The following ZNF17 variants were observed in gnomAD, a reference collection of about 807,000 sequenced individuals.
ZNF17 encodes zinc finger protein 17.
A neutral mutation model predicts 7.7 loss-of-function variants in ZNF17; 4 were observed. The observed-to-expected ratio is 0.52, with a 90% confidence interval of 0.26 to 1.20. The LOEUF is 1.20. ZNF17 is among the 50% of genes most tolerant of loss of function. The pLI is 0.14. For synonymous variants in ZNF17, 249 were observed against 258.8 expected (o/e 0.96, Z 0.36); for missense variants, 738 against 799.5 (o/e 0.92, Z 0.93).
At chr19:57,413,406 A>G in intron 1 of ZNF17, 190 bp from the exon 2 acceptor site, 4 of 573,334 alleles carry the variant, frequency 7.0e-6, no homozygotes, top group South Asian at 2.3e-5. Context: ...AATCCTTTTA[A>G]TCTCTATTTT....
intron 1 of ZNF17, chr19:57,411,785 C>A: frequency 1.6e-6 from 1 of 643,986 alleles, no homozygotes; most frequent in Non-Finnish European, 2.0e-6. Flanking sequence ...AAGGGGACCG[C>A]TGAGGAGACC....
At chr19:57,417,845 CAAAAAAA>C (rs71186259) in intron 2 of ZNF17, 60 bp from the exon 3 acceptor site, 3 of 1,336,358 alleles carry the variant, frequency 2.2e-6, no homozygotes, top group African/African-American at 2.2e-5. Flanking sequence ...GACTCCATCT[CAAAAAAA>C]AAAAAAAAAA....
At chr19:57,417,361 A>G (rs1334536962) in intron 2 of ZNF17, among the ~76,000 whole-genome samples, 2 of 152,160 alleles carry the variant, frequency 1.3e-5, no homozygotes, top group Non-Finnish European at 2.9e-5. Context: ...TATAGGGACT[A>G]TCCCTCCTTT....
intron 1 of ZNF17, chr19:57,411,779 G>A: frequency 2.8e-6 from 2 of 706,646 alleles, no homozygotes; most frequent in South Asian, 5.1e-5. Flanking sequence ...CAGGACAAGG[G>A]GACCGCTGAG....
chr19:57,413,863 CA>C (rs541777974), intron 2 of ZNF17, among the ~76,000 whole-genome samples: 35 of 152,162 alleles, frequency 2.3e-4, no homozygotes, highest in Admixed American at 2.1e-3. Flanking sequence ...ATCTCAAACA[CA>C]GGATCTAGAA....
intron 3 of ZNF17, 88 bp downstream of exon 3, chr19:57,418,126 T>A: frequency 6.7e-7 from 1 of 1,503,746 alleles, no homozygotes; most frequent in Non-Finnish European, 9.0e-7. Context: ...CACCAGGTCA[T>A]GGATGCTGCA....
Position 57,420,476 on chromosome 19 carries a change from G to A in ZNF17, c.990G>A (p.Arg330=), listed in dbSNP as rs778630011. Reference sequence around the variant, plus strand: ...ACCAGAAAATTCATACTGGAGAACGGCCTTATGGATGCAATGAATGTGGGA... The same window carrying A: ...ACCAGAAAATTCATACTGGAGAACGACCTTATGGATGCAATGAATGTGGGA... ...VGHQKIHTGE[R]PYGCNECGKY... Residue 330 remains arginine, a synonymous_variant, in exon 4 of 4, where the codon CGG becomes CGA. Coordinates refer to ENST00000307658, the MANE Select transcript of ZNF17 (RefSeq NM_001330617.2). The A allele has an allele frequency of 1.9e-6, 3 of 1,614,146 alleles. No homozygotes were observed. Among genetic ancestry groups the A allele is most frequent in the Non-Finnish European group, 2.5e-6 (3 of 1,180,042 alleles).
Position 57,421,007 on chromosome 19 carries a change from A to C in ZNF17, c.1521A>C (p.Lys507Asn). 1 of 1,614,120 alleles carries C rather than the reference A, an allele frequency of 6.2e-7. No individual in the cohort carries two copies. The highest frequency in any genetic ancestry group is 8.5e-7 in the Non-Finnish European group (1 of 1,180,022). Residue 507 changes from lysine to asparagine, a missense_variant, in exon 4 of 4, where the codon AAA becomes AAC. Lys to Asn is a moderately conservative substitution (Grantham distance 94). This residue lies in a region of ZNF17 where 616 missense variants were observed against 663.9 expected (regional missense o/e 0.93). Transcript: ENST00000307658. ...ERPFECSICGKSFRCRSTLDT... is the reference protein window; with the variant it reads ...ERPFECSICGNSFRCRSTLDT... Reference sequence around the variant, plus strand: ...CTTTTGAATGCAGCATTTGTGGGAAATCCTTTAGATGTCGCTCCACACTTG... The same window carrying C: ...CTTTTGAATGCAGCATTTGTGGGAACTCCTTTAGATGTCGCTCCACACTTG...
intron 3 of ZNF17, 133 bp downstream of exon 3, chr19:57,418,171 A>G: frequency 8.3e-7 from 1 of 1,203,904 alleles, no homozygotes; most frequent in Non-Finnish European, 1.2e-6. Context: ...GTGTTGTGGC[A>G]GCTACAGCTG....
intron 3 of ZNF17, chr19:57,419,255 T>C (rs2088831542): frequency 1.0e-5 from 2 of 191,898 alleles, no homozygotes; most frequent in South Asian, 2.1e-4. Context: ...GAGGTCTGGA[T>C]GTATATATTT....
Position 57,417,912 on chromosome 19 carries a change from G to T in ZNF17, c.22G>T (p.Asp8Tyr). MLMDAGQ[D>Y]YMVFEDVAIH... ...GACTAAACTGTTATAATTTTGGCAG[G>T]ATTATATGGTTTTTGAGGACGTGGC... The change falls in exon 3 of 4, where the codon GAT (aspartate) becomes TAT (tyrosine). Residue 8 changes from aspartate to tyrosine, a missense_variant and splice_region_variant. Physicochemically the swap from Asp to Tyr is radical, Grantham distance 160. This residue lies in a region of ZNF17 where 616 missense variants were observed against 663.9 expected (regional missense o/e 0.93). Coordinates refer to ENST00000307658, the MANE Select transcript of ZNF17 (RefSeq NM_001330617.2). 1 of 1,613,898 alleles carries T rather than the reference G, an allele frequency of 6.2e-7. No individual in the cohort carries two copies.
chr19:57,421,483 G>T lies in ZNF17; in HGVS notation c.*2G>T. On this transcript the variant is annotated 3_prime_UTR_variant, in exon 4 of 4. Coordinates refer to ENST00000307658, the MANE Select transcript of ZNF17 (RefSeq NM_001330617.2). ...CACCAGAAAGTTCACACCAGATAAAGAATGTATATATAAAGCAGATGGGGA... is the reference window on the plus strand; with the variant it reads ...CACCAGAAAGTTCACACCAGATAAATAATGTATATATAAAGCAGATGGGGA... 17 of 1,595,998 alleles carry T rather than the reference G, an allele frequency of 1.1e-5. No individual in the cohort carries two copies. Among genetic ancestry groups the T allele is most frequent in the East Asian group, 2.2e-5 (1 of 44,696 alleles).
At chr19:57,419,592 C>T in intron 3 of ZNF17, 43 bp from the exon 4 acceptor site, 1 of 1,563,362 alleles carries the variant, frequency 6.4e-7, no homozygotes, top group Non-Finnish European at 8.7e-7. Flanking sequence ...GCTGCCTCTT[C>T]CCTCCAAAGT....
chr19:57,413,560 G>A, intron 1 of ZNF17, 36 bp from the exon 2 acceptor site: 1 of 1,535,034 alleles, frequency 6.5e-7, no homozygotes, highest in Middle Eastern at 1.9e-4. Flanking sequence ...ATGCTGCAAT[G>A]CTGTCTTAAT....
intron 1 of ZNF17, among the ~76,000 whole-genome samples, chr19:57,412,283 T>C (rs2088782316): frequency 6.6e-6 from 1 of 152,018 alleles, no homozygotes; most frequent in South Asian, 2.1e-4. Flanking sequence ...AGTGGGGACA[T>C]TGGGTCCAGA....
Position 57,421,601 on chromosome 19 carries a change from C to A in ZNF17, c.*120C>A. The A allele has an allele frequency of 8.7e-7, 1 of 1,145,646 alleles. No individual in the cohort carries two copies. Among genetic ancestry groups the A allele is most frequent in the Non-Finnish European group, 1.2e-6 (1 of 822,334 alleles). The allele number at this position is 1,145,646 out of a possible 1,614,324, so 71.0% of individuals were successfully genotyped here. On this transcript the variant is annotated 3_prime_UTR_variant, in exon 4 of 4. Transcript: ENST00000307658. The stretch of plus-strand genomic sequence containing the variant: ...AGAATACAGATAACATAAAATCTAA[C>A]ATCTTAACCATGTTAAAGTGTATAG...
chr19:57,420,382 C>T lies in ZNF17; in HGVS notation c.896C>T (p.Thr299Ile), dbSNP rs369075591. ...CTACTTCAGCACCAGAGGATTCACA[C>T]CAGGCCAAGGCCTTATGTGTGTAGT... ...SHLLQHQRIH[T>I]RPRPYVCSEC... is the part of the protein sequence containing the mutation. The change falls in exon 4 of 4, where the codon ACC (threonine) becomes ATC (isoleucine). Residue 299 changes from threonine (T) to isoleucine (I), a missense_variant. This residue lies in a region of ZNF17 where 616 missense variants were observed against 663.9 expected (regional missense o/e 0.93). Coordinates refer to ENST00000307658, the MANE Select transcript of ZNF17 (RefSeq NM_001330617.2). The T allele has an allele frequency of 7.4e-5, 119 of 1,614,002 alleles. No homozygotes were observed. Among genetic ancestry groups the T allele is most frequent in the Non-Finnish European group, 9.2e-5 (108 of 1,180,012 alleles).
rs1234125223 is a variant in ZNF17, at chr19:57,417,981, C to T, written c.91C>T (p.Gln31Ter). 2 of 1,613,918 alleles carry T rather than the reference C, an allele frequency of 1.2e-6. No homozygotes were observed. The highest frequency in any genetic ancestry group is 1.7e-6 in the Non-Finnish European group (2 of 1,180,036). Residue 31 changes from glutamine (Q) to a stop codon, truncating the protein, a stop_gained, in exon 3 of 4, where the codon CAG becomes TAG. Transcript: ENST00000307658. LOFTEE classifies it high-confidence loss of function. Reference sequence around the variant, plus strand: ...GGAGTGGGGAATTCTTAATGACGTTCAGAGACACCTGCACAGCGATGTGAT... The same window carrying T: ...GGAGTGGGGAATTCTTAATGACGTTTAGAGACACCTGCACAGCGATGTGAT... ...QEEWGILNDV[Q>*]RHLHSDVMLE...
At chr19:57,417,556 A>G (rs766160240) in intron 2 of ZNF17, among the ~76,000 whole-genome samples, 1 of 152,156 alleles carries the variant, frequency 6.6e-6, no homozygotes, top group Non-Finnish European at 1.5e-5. Flanking sequence ...CAGAATAAGA[A>G]GTTGCTCATG....
Sources: allele counts gnomAD v4.1 joint callset (sites outside exome capture counted in the v4.1 genomes callset), GRCh38; gene constraint gnomAD v4.1.1; regional missense constraint gnomAD v4.1.1; transcripts MANE v1.5; gene names NCBI Gene and HGNC (gene_info 2026-07-23, HGNC 2026-07-21).